PKIB: variants seen among roughly 807,000 people sequenced by gnomAD.
The protein encoded by PKIB is PKI-beta.
PKIB carries 2 observed loss-of-function variants against 4.5 expected under a neutral mutation model. The ratio of observed to expected loss-of-function variants is 0.44; its 90% CI spans 0.18 to 1.39. The LOEUF (loss-of-function observed/expected upper bound fraction) is 1.39, where lower values mean the gene tolerates loss of function less well. Ranked by LOEUF, PKIB falls within the 40% of genes most tolerant of loss-of-function variation. The probability of loss-of-function intolerance (pLI) is 0.27; values close to 1 mark genes in which losing one functional copy is unlikely to be tolerated. For missense variants in PKIB, 94 were observed against 92.6 expected (o/e 1.02, Z -0.06); for synonymous variants, 38 against 36.0 (o/e 1.06, Z -0.20).
intron 2 of PKIB, among the ~76,000 whole-genome samples, chr6:122,564,165 A>G (rs1289715603): frequency 6.6e-6 from 1 of 152,112 alleles, no homozygotes; most frequent in Non-Finnish European, 1.5e-5. Context: ...CCACTTCTGC[A>G]GTTGGGGCAC....
chr6:122,541,274 G>C (rs1019054643), intron 2 of PKIB, among the ~76,000 whole-genome samples: 1 of 152,030 alleles, frequency 6.6e-6, no homozygotes, highest in African/African-American at 2.4e-5. Context: ...TTTCTTCCTA[G>C]CTTTGATGGT....
At chr6:122,695,422 A>G (rs1165783865) in intron 3 of PKIB, among the ~76,000 whole-genome samples, 2 of 113,584 alleles carry the variant, frequency 1.8e-5, no homozygotes, top group Admixed American at 8.0e-5. Context: ...GGTATAGAGA[A>G]CAAAAAATAA....
At chr6:122,504,773 C>G (rs1483419628) in intron 2 of PKIB, among the ~76,000 whole-genome samples, 1 of 152,174 alleles carries the variant, frequency 6.6e-6, no homozygotes, top group African/African-American at 2.4e-5. Flanking sequence ...TTTTGCATAA[C>G]TGTAGTACAT....
chr6:122,615,173 A>G (rs552465671), intron 1 of PKIB, among the ~76,000 whole-genome samples: 118 of 152,088 alleles, frequency 7.8e-4, no homozygotes, highest in African/African-American at 2.7e-3. Context: ...GTGAAGTAGT[A>G]GAACTTTTTG....
At chr6:122,712,108 G>A (rs1016946607) in intron 3 of PKIB, among the ~76,000 whole-genome samples, 1 of 152,126 alleles carries the variant, frequency 6.6e-6, no homozygotes, top group African/African-American at 2.4e-5. Flanking sequence ...TGATACTTAA[G>A]TGAATAGGAG....
Position 122,603,930 on chromosome 6 carries a change from T to C in PKIB, c.-161+17923T>C, listed in dbSNP as rs576153412. 3.9e-5 allele frequency among the ~76,000 whole-genome samples: 6 copies of C among 152,320 alleles called. No homozygotes were observed. The East Asian group carries it at 9.6e-4, about 24-fold the overall frequency. Reference sequence around the variant, plus strand: ...TTTGTTATGTGTTAAGGTCATCCTGTTGAATGGAGAAGAGAGGTGGGAGAA... The same window carrying C: ...TTTGTTATGTGTTAAGGTCATCCTGCTGAATGGAGAAGAGAGGTGGGAGAA... On this transcript the variant is annotated intron_variant, in intron 3 of 6. Coordinates refer to the PKIB transcript ENST00000392491.
chr6:122,605,780 C>T (rs1354119769), upstream of PKIB, among the ~76,000 whole-genome samples: 1 of 152,164 alleles, frequency 6.6e-6, no homozygotes, highest in Admixed American at 6.5e-5. Flanking sequence ...AGGCAGATAG[C>T]TACTCTCAGG....
At chr6:122,602,341 C>G (rs573448269) in intron 3 of PKIB, among the ~76,000 whole-genome samples, 1 of 152,220 alleles carries the variant, frequency 6.6e-6, no homozygotes, top group African/African-American at 2.4e-5. Flanking sequence ...GAAAAAGATA[C>G]AGAAAGGAGA....
At chr6:122,523,812 A>T (rs1355422894) in intron 2 of PKIB, among the ~76,000 whole-genome samples, 1 of 151,214 alleles carries the variant, frequency 6.6e-6, no homozygotes, top group African/African-American at 2.4e-5. Flanking sequence ...GTTCCCCTGC[A>T]CAAGCTCTCT....
chr6:122,591,094 AT>A (rs1350526581), intron 3 of PKIB, among the ~76,000 whole-genome samples: 5 of 151,894 alleles, frequency 3.3e-5, no homozygotes, highest in Admixed American at 3.3e-4. Context: ...TTATCCACCT[AT>A]TAAAGTTATC....
intron 2 of PKIB, among the ~76,000 whole-genome samples, chr6:122,547,772 C>G (rs1340188373): frequency 6.9e-6 from 1 of 145,786 alleles, no homozygotes; most frequent in Admixed American, 6.8e-5. Context: ...ACAGCATCAG[C>G]AGGACAGTTA....
chr6:122,492,073 C>T (rs557027324), intron 2 of PKIB, among the ~76,000 whole-genome samples: 2 of 152,278 alleles, frequency 1.3e-5, no homozygotes, highest in African/African-American at 2.4e-5. Flanking sequence ...AGCCACACAT[C>T]TCAGCGCTTG....
At chr6:122,617,168 G>A (rs769542921) in intron 1 of PKIB, among the ~76,000 whole-genome samples, 2 of 151,952 alleles carry the variant, frequency 1.3e-5, no homozygotes, top group Non-Finnish European at 2.9e-5. Flanking sequence ...TGCATCTACC[G>A]TATGCACTAC....
At chr6:122,698,963 C>T (rs1339620927) in intron 3 of PKIB, among the ~76,000 whole-genome samples, 1 of 152,054 alleles carries the variant, frequency 6.6e-6, no homozygotes, top group Non-Finnish European at 1.5e-5. Context: ...GTGAAATATC[C>T]ACCCTTTTTG....
intron 3 of PKIB, among the ~76,000 whole-genome samples, chr6:122,709,564 T>C (rs771932376): frequency 1.3e-5 from 2 of 151,996 alleles, no homozygotes; most frequent in Non-Finnish European, 2.9e-5. Context: ...ATTTGATGTA[T>C]GAGTATAAAA....
chr6:122,638,222 A>G (rs1675877696), intron 2 of PKIB, among the ~76,000 whole-genome samples: 1 of 152,244 alleles, frequency 6.6e-6, no homozygotes, highest in Non-Finnish European at 1.5e-5. Context: ...AAAATGTATT[A>G]TAATTAATGA....
chr6:122,662,308 C>CTTTGTTTTTTTTTTTTTTTTTTTTTTTT (rs1777030847), intron 2 of PKIB, among the ~76,000 whole-genome samples: 1 of 13,252 alleles, frequency 7.5e-5, no homozygotes, highest in Non-Finnish European at 1.5e-4. Context: ...TCCTTGTCTC[C>CTTTGTTTTTTTTTTTTTTTTTTTTTTTT]TTTTTTTTTT....
At chr6:122,540,129 C>A (rs1246763469) in intron 2 of PKIB, among the ~76,000 whole-genome samples, 3 of 152,004 alleles carry the variant, frequency 2.0e-5, no homozygotes, top group Non-Finnish European at 4.4e-5. Flanking sequence ...TTCAAAAAAC[C>A]AGTTCCAGGA....
Position 122,660,957 on chromosome 6 carries a change from T to A in PKIB, c.-75-14121T>A, listed in dbSNP as rs757493781. 9.2e-5 allele frequency among the ~76,000 whole-genome samples: 14 copies of A among 152,272 alleles called. 1 individual carries two copies. Among genetic ancestry groups the A allele is most frequent in the Middle Eastern group, 6.8e-3 (2 of 294 alleles). On this transcript the variant is annotated intron_variant, in intron 2 of 4. Transcript: ENST00000368452. Reference sequence around the variant, plus strand: ...TTATACTTAGACTTTTTTAGTGTTTTAGAAGAATAATCAAAAGGTAGAAAA... The same window carrying A: ...TTATACTTAGACTTTTTTAGTGTTTAAGAAGAATAATCAAAAGGTAGAAAA...
Sources: gnomAD v4.1 joint callset for allele counts (sites outside exome capture counted in the v4.1 genomes callset) on GRCh38, gnomAD v4.1.1 for gene constraint, MANE v1.5 for transcripts, NCBI Gene and HGNC (gene_info 2026-07-23, HGNC 2026-07-21) for gene names.